The following SPIRE2 variants were observed in gnomAD, a reference collection of about 807,000 sequenced individuals.
The protein encoded by SPIRE2 is protein spire homolog 2.
Under a neutral mutation model 80.7 loss-of-function variants are expected in SPIRE2, and 76 were observed. The ratio of observed to expected loss-of-function variants is 0.94; its 90% CI spans 0.78 to 1.14. SPIRE2 has a LOEUF of 1.14. Ranked by LOEUF, SPIRE2 falls within the 50% of genes most tolerant of loss-of-function variation. SPIRE2 has a pLI of 0.00. For synonymous variants in SPIRE2, 535 were observed against 432.6 expected, an observed-to-expected ratio of 1.24 and a Z score of -2.94; for missense variants, 1,196 against 1,015.3, an observed-to-expected ratio of 1.18 and a Z score of -2.42.
intron 1 of SPIRE2, among the ~76,000 whole-genome samples, chr16:89,838,954 C>A (rs1018312921): frequency 4.0e-5 from 6 of 151,004 alleles, no homozygotes; most frequent in Admixed American, 1.3e-4. Flanking sequence ...GGTCTTGAAC[C>A]TTTTACCTCA....
At chr16:89,851,523 G>A (rs910549513) in intron 3 of SPIRE2, among the ~76,000 whole-genome samples, 3 of 152,158 alleles carry the variant, frequency 2.0e-5, no homozygotes, top group African/African-American at 7.2e-5. Flanking sequence ...CTTGCCCGAA[G>A]CCACAAAGCA....
intron 2 of SPIRE2, among the ~76,000 whole-genome samples, chr16:89,847,352 G>T (rs568562743): frequency 1.3e-5 from 2 of 152,308 alleles, no homozygotes; most frequent in East Asian, 3.9e-4. Flanking sequence ...TCACTGTTGC[G>T]TTGTACACGG....
chr16:89,847,943 G>A lies in SPIRE2; in HGVS notation c.289-2361G>A, dbSNP rs73270316. On this transcript the variant is annotated intron_variant, in intron 2 of 14. Transcript: ENST00000378247. Reference sequence around the variant, plus strand: ...TGGCCTAGAGGGGCTGGGTGCTGCTGTGGACCGTGTGGGGGTTGGGGGCTT... The same window carrying A: ...TGGCCTAGAGGGGCTGGGTGCTGCTATGGACCGTGTGGGGGTTGGGGGCTT... Among the ~76,000 whole-genome samples the A allele has an allele frequency of 3.5e-3, 526 of 152,312 alleles. 5 individuals carry two copies. Among genetic ancestry groups the A allele is most frequent in the African/African-American group, 0.012 (514 of 41,574 alleles).
At chr16:89,832,727 C>T (rs2041398258) in intron 1 of SPIRE2, among the ~76,000 whole-genome samples, 1 of 152,164 alleles carries the variant, frequency 6.6e-6, no homozygotes, top group Non-Finnish European at 1.5e-5. Context: ...CAGGTGGGCA[C>T]ATTGCTTCAG....
chr16:89,871,118 C>CTGCCCT lies in SPIRE2; in HGVS notation c.*854_*859dup, dbSNP rs72242407. 6.5e-6 allele frequency: 1 copy of CTGCCCT among 152,708 alleles called. No homozygotes were observed. Among genetic ancestry groups the CTGCCCT allele is most frequent in the African/African-American group, 2.4e-5 (1 of 41,294 alleles). The allele number at this position is 152,708 out of a possible 1,614,324, so 9.5% of individuals were successfully genotyped here. On this transcript the variant is annotated 3_prime_UTR_variant, in exon 15 of 15. Transcript: ENST00000378247. ...AAAAAGGTCCGTGCCAAGCTGCTCC[C>CTGCCCT]TGCCCTTGCCCTTTCCCTTTCCCTG... is the stretch of plus-strand genomic sequence containing the variant.
chr16:89,853,518 C>G (rs1567674973), intron 3 of SPIRE2, among the ~76,000 whole-genome samples: 1 of 152,170 alleles, frequency 6.6e-6, no homozygotes, highest in African/African-American at 2.4e-5. Context: ...TTGCCCTGGG[C>G]TGGCATACAT....
chr16:89,836,859 G>A (rs747117949), intron 1 of SPIRE2, among the ~76,000 whole-genome samples: 5 of 151,944 alleles, frequency 3.3e-5, no homozygotes, highest in Admixed American at 2.6e-4. Context: ...GCTGGGCGTC[G>A]TGGTACATGC....
chr16:89,861,117 G>C (rs535628158), intron 10 of SPIRE2, among the ~76,000 whole-genome samples: 2 of 152,274 alleles, frequency 1.3e-5, no homozygotes, highest in East Asian at 3.9e-4. Flanking sequence ...TCAGTGTGAG[G>C]GGGGTTCACT....
In SPIRE2 at chr16:89,863,815, A is replaced by G; in HGVS notation, c.1732A>G (p.Lys578Glu). Residue 578 changes from lysine to glutamate, a missense_variant, in exon 12 of 15, where the codon AAG becomes GAG. By Grantham distance (56) the Lys-to-Glu change is moderately conservative (BLOSUM62 1). Transcript: ENST00000378247. This position sits in a 1 kb window ranked among gnomAD's most constrained non-coding sequence, Gnocchi z 4.3. ...ACAGATTTGCTGCTGCTGCCGGGCC[A>G]AGTTCCCGCTGTTCTCGTGGCCGCC... ...KGKICCCCRA[K>E]FPLFSWPPSC... 6.2e-7 allele frequency: 1 copy of G among 1,613,958 alleles called. No individual in the cohort carries two copies. Among genetic ancestry groups the G allele is most frequent in the Non-Finnish European group, 8.5e-7 (1 of 1,179,982 alleles).
chr16:89,843,071 G>C (rs1003218050), intron 1 of SPIRE2, among the ~76,000 whole-genome samples: 2 of 152,198 alleles, frequency 1.3e-5, no homozygotes, highest in Non-Finnish European at 2.9e-5. Flanking sequence ...TGGAGCTCTT[G>C]TTCTAGCACA....
chr16:89,854,717 A>AGGGGCAGCC (rs1328838051), intron 5 of SPIRE2, 66 bp downstream of exon 5: 1 of 1,558,362 alleles, frequency 6.4e-7, no homozygotes, highest in Admixed American at 1.8e-5. Context: ...GCGGACGCAG[A>AGGGGCAGCC]TGAGCAGCCT....
rs548454193 is a variant in SPIRE2, at chr16:89,870,513, G to A, written c.*241G>A. On this transcript the variant is annotated 3_prime_UTR_variant, in exon 15 of 15. Coordinates refer to ENST00000378247, the MANE Select transcript of SPIRE2 (RefSeq NM_032451.2). ...GATTCCTTGCCAGGGAGGAAGGGGA[G>A]GGAACAGGGTGGGTTTTCTCACTGA... is the stretch of plus-strand genomic sequence containing the variant. The A allele has an allele frequency of 1.1e-4, 54 of 476,228 alleles. 1 individual carries two copies. In the South Asian group the frequency reaches 1.3e-3, roughly 11 times the overall value. 29.5% of individuals were successfully genotyped at this position (476,228 alleles called of 1,614,324 possible). A position where few individuals can be genotyped will look rare whatever the true frequency, so the allele number is the denominator to read the frequency against.
chr16:89,860,600 C>T (rs2143821644), intron 9 of SPIRE2, 83 bp from the exon 10 acceptor site: 1 of 946,978 alleles, frequency 1.1e-6, no homozygotes, highest in Non-Finnish European at 1.6e-6. Context: ...GAGCCCTCCA[C>T]CATCTCTATC....
At chr16:89,847,616 G>A (rs1333240621) in intron 2 of SPIRE2, among the ~76,000 whole-genome samples, 1 of 152,284 alleles carries the variant, frequency 6.6e-6, no homozygotes, top group African/African-American at 2.4e-5. Flanking sequence ...GTTCCTTAAC[G>A]TCTCGCTCCT....
Position 89,857,061 on chromosome 16 carries a change from G to A in SPIRE2, c.1102+825G>A, listed in dbSNP as rs1267256512. Among the ~76,000 whole-genome samples, 111 of 125,424 alleles carry A rather than the reference G, an allele frequency of 8.8e-4. 1 individual carries two copies. Among genetic ancestry groups the A allele is most frequent in the African/African-American group, 2.9e-3 (98 of 33,898 alleles). The allele number at this position is 125,424 out of a possible 152,430, so 82.3% of individuals were successfully genotyped here. ...AGACTGGGTGACAGAGTGAGACCTC[G>A]TTTCAAAAAAAAAAAAAAATCACTT... On this transcript the variant is annotated intron_variant, in intron 7 of 14. Transcript: ENST00000378247.
At chr16:89,869,239 G>A (rs1383914374) in intron 13 of SPIRE2, among the ~76,000 whole-genome samples, 3 of 150,828 alleles carry the variant, frequency 2.0e-5, no homozygotes, top group East Asian at 2.0e-4. Context: ...GGCAGGTCCC[G>A]TATAGTATAA....
chr16:89,856,503 G>T (rs2041693111), intron 7 of SPIRE2, among the ~76,000 whole-genome samples: 1 of 151,978 alleles, frequency 6.6e-6, no homozygotes, highest in African/African-American at 2.4e-5. Flanking sequence ...GGAGTGCAGT[G>T]GAGCGACCTC....
At chr16:89,855,913 C>A (rs1241332403) in intron 6 of SPIRE2, 200 bp from the exon 7 acceptor site, 2 of 1,062,192 alleles carry the variant, frequency 1.9e-6, no homozygotes, top group Non-Finnish European at 1.3e-6. Flanking sequence ...GCCATGCCCA[C>A]CCCACCCCAG....
At chr16:89,864,171 A>G (rs1339709102) in intron 12 of SPIRE2, among the ~76,000 whole-genome samples, 1 of 152,182 alleles carries the variant, frequency 6.6e-6, no homozygotes, top group African/African-American at 2.4e-5. Context: ...AAGGAAACAC[A>G]ACGGGGCAAG....
Sources: allele counts gnomAD v4.1 joint callset (sites outside exome capture counted in the v4.1 genomes callset), GRCh38; gene constraint gnomAD v4.1.1; non-coding constraint Gnocchi (gnomAD v3.1); transcripts MANE v1.5; gene names NCBI Gene and HGNC (gene_info 2026-07-23, HGNC 2026-07-21).